The following PTPRG variants were observed in gnomAD, a reference collection of about 807,000 sequenced individuals.
PTPRG encodes the protein protein tyrosine phosphatase receptor type G.
PTPRG carries 102 observed loss-of-function variants against 165.3 expected under a neutral mutation model. That is an observed-to-expected ratio of 0.62 (90% CI 0.53 to 0.73). The LOEUF (loss-of-function observed/expected upper bound fraction) is 0.73, where lower values mean the gene tolerates loss of function less well. PTPRG is among the 30% of genes least tolerant of loss of function. PTPRG has a pLI of 0.00. For missense variants in PTPRG, 1,866 were observed against 1,861.4 expected (o/e 1.00, Z -0.05); for synonymous variants, 675 against 669.5 (o/e 1.01, Z -0.13).
chr3:61,902,756 C>T (rs1043674744), intron 2 of PTPRG, among the ~76,000 whole-genome samples: 2 of 152,144 alleles, frequency 1.3e-5, no homozygotes, highest in African/African-American at 4.8e-5. Flanking sequence ...GTAAATACTT[C>T]CTACCTGGTA....
rs117721841 is a variant in PTPRG at position 61,838,661 on chromosome 3, A to G, written c.190+89679A>G. 4.6e-3 allele frequency among the ~76,000 whole-genome samples: 705 copies of G among 152,328 alleles called. 14 individuals carry two copies. In the East Asian group the frequency reaches 0.064, roughly 14 times the overall value. ...GAAATACCAGAATGACTTTTTAAAA[A>G]TAGTTGACTAAGTTTTATTTCAATA... On this transcript the variant is annotated intron_variant, in intron 2 of 29. Transcript: ENST00000474889.
rs1008178972 is a variant in PTPRG at position 62,228,821 on chromosome 3, T to C, written c.2289-2404T>C. On this transcript the variant is annotated intron_variant, in intron 13 of 29. Transcript: ENST00000474889. The surrounding 1 kb of genome is among the most constrained non-coding windows in gnomAD (Gnocchi z 4.1). ...AAAGGTAGGTTTATATAAAACTTTG[T>C]CTAGTTTGGAAAACTCTGAGCTTCC... Among the ~76,000 whole-genome samples, 1 of 152,212 alleles carries C rather than the reference T, an allele frequency of 6.6e-6. No individual in the cohort carries two copies. The highest frequency in any genetic ancestry group is 3.2e-3 in the Middle Eastern group (1 of 316).
At chr3:62,093,630 G>A (rs1575994584) in intron 5 of PTPRG, among the ~76,000 whole-genome samples, 1 of 152,328 alleles carries the variant, frequency 6.6e-6, no homozygotes, top group Admixed American at 6.5e-5. Context: ...ATGAGCATGT[G>A]GAACAAGGCC....
At chr3:61,828,368 A>G (rs1466769832) in intron 2 of PTPRG, among the ~76,000 whole-genome samples, 2 of 152,340 alleles carry the variant, frequency 1.3e-5, no homozygotes, top group East Asian at 1.9e-4. Flanking sequence ...TTGCACAACT[A>G]TAACATACCA....
intron 6 of PTPRG, among the ~76,000 whole-genome samples, chr3:62,140,703 C>G (rs1703892560): frequency 6.6e-6 from 1 of 151,906 alleles, no homozygotes; most frequent in Non-Finnish European, 1.5e-5. Context: ...AAAAATTAGC[C>G]AGGCATGGTG....
intron 6 of PTPRG, among the ~76,000 whole-genome samples, chr3:62,153,251 A>G (rs1256393105): frequency 6.6e-6 from 1 of 152,234 alleles, no homozygotes; most frequent in Non-Finnish European, 1.5e-5. Flanking sequence ...GGTCAGCCAC[A>G]TGCTTGCCTT....
intron 1 of PTPRG, among the ~76,000 whole-genome samples, chr3:61,628,140 G>T (rs1437407828): frequency 1.3e-5 from 2 of 152,152 alleles, no homozygotes; most frequent in African/African-American, 4.8e-5. Context: ...ATGTTGGAGT[G>T]CCGACTGTGG....
intron 2 of PTPRG, among the ~76,000 whole-genome samples, chr3:61,958,705 T>C (rs553495633): frequency 4.5e-4 from 69 of 152,338 alleles, no homozygotes; most frequent in Middle Eastern, 3.4e-3. Flanking sequence ...TTGAATCTTA[T>C]CTATCTTTGC....
At position 61,620,384 on chromosome 3, in the gene PTPRG, C is replaced by T. The variant is rs145578070; in HGVS notation, c.85+58012C>T. On this transcript the variant is annotated intron_variant, in intron 1 of 29. Coordinates refer to ENST00000474889, the MANE Select transcript of PTPRG (RefSeq NM_002841.4). ...CCAGTGATATATGGGGCTATTGATG[C>T]GGATTGAATTTGCAGAGGGAAAATG... Among the ~76,000 whole-genome samples, 107 of 152,228 alleles carry T rather than the reference C, an allele frequency of 7.0e-4. 1 individual carries two copies. Among genetic ancestry groups the T allele is most frequent in the African/African-American group, 2.4e-3 (101 of 41,524 alleles).
chr3:61,779,385 G>A (rs532003684), intron 2 of PTPRG, among the ~76,000 whole-genome samples: 2 of 152,328 alleles, frequency 1.3e-5, no homozygotes, highest in African/African-American at 2.4e-5. Context: ...CTGGAAGAGT[G>A]TGATTGCTTC....
At chr3:61,992,510 C>T (rs2040922255) in intron 3 of PTPRG, among the ~76,000 whole-genome samples, 1 of 152,124 alleles carries the variant, frequency 6.6e-6, no homozygotes, top group Non-Finnish European at 1.5e-5. Flanking sequence ...CAGACAGCCA[C>T]CTCCATGCCC....
intron 2 of PTPRG, among the ~76,000 whole-genome samples, chr3:61,878,680 C>A (rs1025051570): frequency 2.0e-5 from 3 of 151,894 alleles, no homozygotes; most frequent in Non-Finnish European, 2.9e-5. Flanking sequence ...ATTTTTTTAT[C>A]TTTAGTAGAG....
intron 2 of PTPRG, among the ~76,000 whole-genome samples, chr3:61,862,690 C>T (rs543424608): frequency 1.3e-5 from 2 of 152,216 alleles, no homozygotes; most frequent in South Asian, 2.1e-4. Context: ...CCACCGTGCC[C>T]GGCCTGATGT....
intron 1 of PTPRG, among the ~76,000 whole-genome samples, chr3:61,690,172 A>G (rs1575591460): frequency 6.6e-6 from 1 of 152,182 alleles, no homozygotes; most frequent in African/African-American, 2.4e-5. Flanking sequence ...TGTTACGACA[A>G]TATCACCAGC....
intron 8 of PTPRG, among the ~76,000 whole-genome samples, chr3:62,183,296 G>A (rs560003323): frequency 3.3e-5 from 5 of 152,206 alleles, no homozygotes; most frequent in Non-Finnish European, 7.3e-5. Context: ...CGGGCGCGGG[G>A]CTCATGCCTG....
Position 61,694,533 on chromosome 3 carries a change from C to A in PTPRG, c.86-54345C>A, listed in dbSNP as rs1252300180. ...CAGAAAGTAAAAATACGCATACTTT[C>A]TGACTCAGTGATCCCACTTCTGAGA... On this transcript the variant is annotated intron_variant, in intron 1 of 29. Coordinates refer to ENST00000474889, the MANE Select transcript of PTPRG (RefSeq NM_002841.4). Among the ~76,000 whole-genome samples, 7 of 152,296 alleles carry A rather than the reference C, an allele frequency of 4.6e-5. No individual in the cohort carries two copies. In the East Asian group the frequency reaches 1.2e-3, roughly 25 times the overall value.
At chr3:61,994,243 G>A (rs1420615364) in intron 3 of PTPRG, among the ~76,000 whole-genome samples, 1 of 152,054 alleles carries the variant, frequency 6.6e-6, no homozygotes, top group African/African-American at 2.4e-5. Context: ...ATACTTAGAC[G>A]GTGCTTCTGA....
intron 4 of PTPRG, among the ~76,000 whole-genome samples, chr3:62,074,420 C>A (rs1848417): frequency 0.12 from 16,975 of 143,256 alleles, 1,309 homozygotes; most frequent in African/African-American, 0.22. Context: ...CAGTGGAGCC[C>A]TCAGTAGCCT....
chr3:61,921,117 C>CTCCTTCCT (rs72298352), intron 2 of PTPRG, among the ~76,000 whole-genome samples: 3,703 of 148,600 alleles, frequency 0.025, 115 homozygotes, highest in African/African-American at 0.068. Flanking sequence ...TTCCATCCAT[C>CTCCTTCCT]TCCTTCCTTC....
Sources: allele counts gnomAD v4.1 joint callset (sites outside exome capture counted in the v4.1 genomes callset), GRCh38; gene constraint gnomAD v4.1.1; non-coding constraint Gnocchi (gnomAD v3.1); transcripts MANE v1.5; gene names NCBI Gene and HGNC (gene_info 2026-07-23, HGNC 2026-07-21).